GRXCR1: variants seen among roughly 807,000 people sequenced by gnomAD.
The protein encoded by GRXCR1 is glutaredoxin domain-containing cysteine-rich protein 1.
GRXCR1 carries 27 observed loss-of-function variants against 27.3 expected under a neutral mutation model. The observed-to-expected ratio is 0.99, with a 90% CI of 0.73 to 1.37. The LOEUF is 1.37. Ranked by LOEUF, GRXCR1 falls within the 40% of genes most tolerant of loss-of-function variation. GRXCR1 has a pLI of 0.00. For synonymous variants in GRXCR1, 122 were observed against 131.1 expected (o/e 0.93, Z 0.47); for missense variants, 379 against 354.4 (o/e 1.07, Z -0.56).
chr4:42,912,858 C>T (rs541900267), intron 1 of GRXCR1, among the ~76,000 whole-genome samples: 1 of 152,098 alleles, frequency 6.6e-6, no homozygotes, highest in Non-Finnish European at 1.5e-5. Flanking sequence ...GGGTGGGACA[C>T]ATGTAGATAA....
chr4:42,974,307 T>G (rs1171829846), intron 2 of GRXCR1, among the ~76,000 whole-genome samples: 1 of 152,130 alleles, frequency 6.6e-6, no homozygotes, highest in Non-Finnish European at 1.5e-5. Flanking sequence ...GGTTCCTTTA[T>G]TAGACCTGCT....
At chr4:42,935,033 C>A (rs58442859) in intron 1 of GRXCR1, among the ~76,000 whole-genome samples, 40,631 of 151,776 alleles carry the variant, frequency 0.27, 6,030 homozygotes, top group African/African-American at 0.4. Flanking sequence ...TTAAAAAGTT[C>A]CTTGAATAAC....
chr4:42,982,012 T>C (rs1748682741), intron 2 of GRXCR1, among the ~76,000 whole-genome samples: 1 of 152,088 alleles, frequency 6.6e-6, no homozygotes, highest in Admixed American at 6.5e-5. Flanking sequence ...CTGCTATTAT[T>C]GCTTTAAAGA....
chr4:42,958,631 T>C (rs1748062462), intron 1 of GRXCR1, among the ~76,000 whole-genome samples: 1 of 152,004 alleles, frequency 6.6e-6, no homozygotes, highest in African/African-American at 2.4e-5. Flanking sequence ...ATGCAGTTAA[T>C]TGATCAGAGG....
intron 2 of GRXCR1, among the ~76,000 whole-genome samples, chr4:42,971,814 G>T (rs1358385291): frequency 1.3e-5 from 2 of 152,046 alleles, no homozygotes; most frequent in African/African-American, 4.8e-5. Context: ...CTCAAAGACA[G>T]CTAGAAAGTA....
chr4:43,019,497 C>G (rs992031), intron 2 of GRXCR1, among the ~76,000 whole-genome samples: 31,430 of 152,062 alleles, frequency 0.21, 3,996 homozygotes, highest in Non-Finnish European at 0.28. Flanking sequence ...ACGCCTAGGA[C>G]ACAGTGACAA....
At chr4:42,897,824 G>C (rs1437800630) in intron 1 of GRXCR1, among the ~76,000 whole-genome samples, 3 of 151,598 alleles carry the variant, frequency 2.0e-5, no homozygotes, top group Admixed American at 6.6e-5. Flanking sequence ...CAGTAATGAG[G>C]AATAAAATGT....
At chr4:42,932,556 T>C (rs1747338340) in intron 1 of GRXCR1, among the ~76,000 whole-genome samples, 1 of 134,794 alleles carries the variant, frequency 7.4e-6, no homozygotes, top group Non-Finnish European at 1.6e-5. Flanking sequence ...TCTCTTTGAG[T>C]GTTTCTCTTA....
chr4:43,021,062 G>A (rs1713077997), intron 3 of GRXCR1, among the ~76,000 whole-genome samples: 1 of 152,160 alleles, frequency 6.6e-6, no homozygotes, highest in South Asian at 2.1e-4. Flanking sequence ...GACAGCAAAT[G>A]TGAAACAGGA....
At chr4:43,018,963 G>A (rs942653853) in intron 2 of GRXCR1, among the ~76,000 whole-genome samples, 15 of 152,164 alleles carry the variant, frequency 9.9e-5, no homozygotes, top group African/African-American at 3.1e-4. Flanking sequence ...AGCCCTGTGC[G>A]TTCGTTCATA....
intron 1 of GRXCR1, among the ~76,000 whole-genome samples, chr4:42,922,153 A>T (rs1038752830): frequency 2.0e-5 from 3 of 152,134 alleles, no homozygotes; most frequent in Non-Finnish European, 4.4e-5. Context: ...TGATAGATAT[A>T]TATTTATAAT....
At position 42,894,081 on chromosome 4, in the gene GRXCR1, G is replaced by A. The variant is rs558432315; in HGVS notation, c.384+431G>A. Among the ~76,000 whole-genome samples the A allele has an allele frequency of 6.6e-5, 10 of 152,176 alleles. No homozygotes were observed. In the South Asian group the frequency reaches 2.1e-3, roughly 32 times the overall value. ...AAAATGTTGAGTGCATGAATTCAGC[G>A]AGGTTGGGTTCAACTGGAAGGTTGT... is the stretch of plus-strand genomic sequence containing the variant. On this transcript the variant is annotated intron_variant, in intron 1 of 3. Transcript: ENST00000399770.
Position 42,952,315 on chromosome 4 carries a change from A to C in GRXCR1, c.385-10577A>C, listed in dbSNP as rs563227610. The stretch of plus-strand genomic sequence containing the variant: ...CTAGCTGAGTAGGCTCCACTGAGTG[A>C]GACCAATTCTCCAAAGAAGAAGGCA... On this transcript the variant is annotated intron_variant, in intron 1 of 3. Coordinates refer to ENST00000399770, the MANE Select transcript of GRXCR1 (RefSeq NM_001080476.3). Among the ~76,000 whole-genome samples, 3 of 152,260 alleles carry C rather than the reference A, an allele frequency of 2.0e-5. No individual in the cohort carries two copies. The South Asian group carries it at 6.2e-4, about 32-fold the overall frequency.
chr4:42,989,032 T>G (rs1384831715), intron 2 of GRXCR1, among the ~76,000 whole-genome samples: 2 of 152,220 alleles, frequency 1.3e-5, no homozygotes, highest in Non-Finnish European at 2.9e-5. Context: ...CTCTGTTACA[T>G]GAAGCTAGTT....
chr4:42,976,356 C>T (rs1462327183), intron 2 of GRXCR1, among the ~76,000 whole-genome samples: 1 of 151,874 alleles, frequency 6.6e-6, no homozygotes, highest in Non-Finnish European at 1.5e-5. Context: ...AGTAATGGTT[C>T]CATGGCATTT....
chr4:42,952,524 A>G (rs1747909639), intron 1 of GRXCR1, among the ~76,000 whole-genome samples: 1 of 152,134 alleles, frequency 6.6e-6, no homozygotes, highest in Non-Finnish European at 1.5e-5. Context: ...CACCTTGACT[A>G]CTGTGAACTC....
At chr4:42,895,247 C>T (rs1746321797) in intron 1 of GRXCR1, among the ~76,000 whole-genome samples, 1 of 152,026 alleles carries the variant, frequency 6.6e-6, no homozygotes, top group South Asian at 2.1e-4. Context: ...TGCATAGTTC[C>T]ATAGCCCCAT....
At chr4:42,927,896 A>C in intron 1 of GRXCR1, among the ~76,000 whole-genome samples, 1 of 151,962 alleles carries the variant, frequency 6.6e-6, no homozygotes, top group Non-Finnish European at 1.5e-5. Flanking sequence ...AAGCCCCTGT[A>C]GGAGAGTGGG....
intron 1 of GRXCR1, among the ~76,000 whole-genome samples, chr4:42,934,559 T>A (rs945203169): frequency 6.6e-6 from 1 of 151,884 alleles, no homozygotes; most frequent in Admixed American, 6.6e-5. Flanking sequence ...GAAATTCTTT[T>A]TGCATCTTAG....
Sources: allele counts gnomAD v4.1 joint callset (sites outside exome capture counted in the v4.1 genomes callset), GRCh38; gene constraint gnomAD v4.1.1; transcripts MANE v1.5; gene names NCBI Gene and HGNC (gene_info 2026-07-23, HGNC 2026-07-21).